The following ANK1 variants were observed in gnomAD, a reference collection of about 807,000 sequenced individuals.
ANK1 encodes ankyrin 1.
ANK1 carries 51 observed loss-of-function variants against 210.4 expected under a neutral mutation model. That is an observed-to-expected ratio of 0.24 (90% CI 0.19 to 0.31). The LOEUF (loss-of-function observed/expected upper bound fraction) is 0.31, where lower values mean the gene tolerates loss of function less well. Among genes scored for constraint, ANK1 ranks in the 10% least tolerant of loss-of-function variants. The probability of loss-of-function intolerance (pLI) is 1.00; values close to 1 mark genes in which losing one functional copy is unlikely to be tolerated. For synonymous variants in ANK1, 967 were observed against 1,025.9 expected, an observed-to-expected ratio of 0.94 and a Z score of 1.10; for missense variants, 2,051 against 2,504.4, an observed-to-expected ratio of 0.82 and a Z score of 3.86.
intron 1 of ANK1, among the ~76,000 whole-genome samples, chr8:41,795,192 G>A (rs1848524357): frequency 6.6e-6 from 1 of 152,174 alleles, no homozygotes; most frequent in Non-Finnish European, 1.5e-5. Flanking sequence ...GAACCATTTT[G>A]GGGTGAGAGG....
intron 10 of ANK1, among the ~76,000 whole-genome samples, chr8:41,719,330 G>A (rs1285538159): frequency 6.6e-6 from 1 of 152,156 alleles, no homozygotes; most frequent in African/African-American, 2.4e-5. Context: ...CTCAGCTCCA[G>A]GCCTGGCTCC....
intron 1 of ANK1, among the ~76,000 whole-genome samples, chr8:41,842,489 T>C (rs1266712229): frequency 1.3e-5 from 2 of 150,674 alleles, no homozygotes; most frequent in African/African-American, 2.4e-5. Flanking sequence ...CGAGACTCTA[T>C]CTCAAAAAAA....
chr8:41,725,342 G>A (rs1043130859), intron 6 of ANK1, among the ~76,000 whole-genome samples: 7 of 152,212 alleles, frequency 4.6e-5, no homozygotes, highest in African/African-American at 9.7e-5. Context: ...ACCGGAGAGC[G>A]TGCCCAGGTG....
chr8:41,862,895 C>T (rs901745124), intron 1 of ANK1, among the ~76,000 whole-genome samples: 2 of 151,852 alleles, frequency 1.3e-5, no homozygotes, highest in Admixed American at 1.3e-4. Flanking sequence ...ACCAATAGTC[C>T]CAGGTATTCA....
chr8:41,669,495 C>T (rs1811564119), intron 38 of ANK1, among the ~76,000 whole-genome samples: 1 of 152,028 alleles, frequency 6.6e-6, no homozygotes, highest in Non-Finnish European at 1.5e-5. Context: ...GGTTCTGGCT[C>T]ACAGGTCTAC....
At chr8:41,861,170 C>G (rs952464931) in intron 1 of ANK1, among the ~76,000 whole-genome samples, 2 of 152,114 alleles carry the variant, frequency 1.3e-5, no homozygotes, top group East Asian at 3.9e-4. Context: ...GAATTAACTC[C>G]GGACAAGGAG....
At chr8:41,780,512 C>A (rs983393677) in intron 1 of ANK1, among the ~76,000 whole-genome samples, 3 of 152,208 alleles carry the variant, frequency 2.0e-5, no homozygotes, top group African/African-American at 7.2e-5. Context: ...GCCCACCCAG[C>A]GGGTGCAGAG....
chr8:41,683,405 C>T (rs529170365), intron 37 of ANK1, among the ~76,000 whole-genome samples: 6 of 152,222 alleles, frequency 3.9e-5, no homozygotes, highest in Admixed American at 2.6e-4. Flanking sequence ...GAGGGCTCAG[C>T]GAGCAGGGTC....
At chr8:41,780,105 G>C (rs1011937166) in intron 1 of ANK1, among the ~76,000 whole-genome samples, 2 of 152,256 alleles carry the variant, frequency 1.3e-5, no homozygotes, top group Admixed American at 6.5e-5. Context: ...GAAGGATGCT[G>C]AAGTCAGTGA....
At chr8:41,878,777 G>A (rs1165349376) in intron 1 of ANK1, among the ~76,000 whole-genome samples, 1 of 152,144 alleles carries the variant, frequency 6.6e-6, no homozygotes, top group Non-Finnish European at 1.5e-5. Context: ...AAAAATAAAA[G>A]AGGGGCCAGG....
rs374505506 is a variant in ANK1, at chr8:41,672,376, C to T, written c.5074G>A (p.Val1692Met). The change falls in exon 38 of 43, where the codon GTG becomes ATG. Residue 1692 changes from valine to methionine, a missense_variant. Physicochemically the swap from Val to Met is conservative, Grantham distance 21 (BLOSUM62 1). This residue lies in a region of ANK1 where 496 missense variants were observed against 533.4 expected (regional missense o/e 0.93). Coordinates refer to ENST00000289734, the MANE Select transcript of ANK1 (RefSeq NM_000037.4). ...RITHSPTVSQVTERSQDRLQD... is the reference protein window; with the variant it reads ...RITHSPTVSQMTERSQDRLQD... Reference sequence around the variant, plus strand: ...TACCTGTCCTGACTCCTCTCCGTCACCTGACTCACGGTGGGGGAATGTGTG... The same window carrying T: ...TACCTGTCCTGACTCCTCTCCGTCATCTGACTCACGGTGGGGGAATGTGTG... The T allele has an allele frequency of 1.9e-6, 3 of 1,614,112 alleles. No individual in the cohort carries two copies. The highest frequency in any genetic ancestry group is 2.5e-6 in the Non-Finnish European group (3 of 1,180,048).
At chr8:41,888,466 G>T (rs1818838269) in intron 1 of ANK1, among the ~76,000 whole-genome samples, 1 of 152,244 alleles carries the variant, frequency 6.6e-6, no homozygotes, top group Non-Finnish European at 1.5e-5. Context: ...GCAAGAGCCA[G>T]CCAGGCTCAT....
rs77766590 is a variant in ANK1, at chr8:41,845,498, G to C, written c.126+50857C>G. Among the ~76,000 whole-genome samples, 142 of 152,188 alleles carry C rather than the reference G, an allele frequency of 9.3e-4. No homozygotes were observed. The East Asian group carries it at 0.026, about 28-fold the overall frequency. On this transcript the variant is annotated intron_variant, in intron 1 of 42. Transcript: ENST00000265709. ...GCTTGCAGTGGTCTCGCGGGGCACA[G>C]TGGGGTCTCCCCTCAAGGAGGCCAA...
intron 12 of ANK1, 147 bp from the exon 13 acceptor site, chr8:41,717,198 T>A: frequency 3.8e-6 from 3 of 793,274 alleles, no homozygotes; most frequent in Non-Finnish European, 6.4e-6. Flanking sequence ...TTTAGCCTGG[T>A]ATGTGTGCAT....
chr8:41,850,277 ATAATGCTT>A (rs1810989972), intron 1 of ANK1, among the ~76,000 whole-genome samples: 2 of 152,178 alleles, frequency 1.3e-5, no homozygotes, highest in Admixed American at 1.3e-4. Flanking sequence ...TTGAAACTAA[ATAATGCTT>A]AAGTGGGGCT....
chr8:41,891,979 A>T (rs1055290419), intron 1 of ANK1, among the ~76,000 whole-genome samples: 1 of 152,280 alleles, frequency 6.6e-6, no homozygotes, highest in Non-Finnish European at 1.5e-5. Context: ...GTTTAGCAAC[A>T]GGACCCAGAT....
intron 2 of ANK1, among the ~76,000 whole-genome samples, chr8:41,752,716 G>A (rs777870): frequency 0.31 from 47,503 of 151,258 alleles, 8,087 homozygotes; most frequent in East Asian, 0.66. Flanking sequence ...ACCCAAGCCT[G>A]CTTGGCTTTG....
At chr8:41,804,253 C>T (rs1482560875) in intron 1 of ANK1, among the ~76,000 whole-genome samples, 1 of 152,134 alleles carries the variant, frequency 6.6e-6, no homozygotes, top group South Asian at 2.1e-4. Context: ...ATAGGGCTGC[C>T]AACCATCCTC....
At chr8:41,780,794 G>A (rs183666882) in intron 1 of ANK1, among the ~76,000 whole-genome samples, 2 of 152,162 alleles carry the variant, frequency 1.3e-5, no homozygotes, top group African/African-American at 4.8e-5. Context: ...ATATGTTCTC[G>A]TGTGTGTGTA....
Sources: allele counts gnomAD v4.1 joint callset (sites outside exome capture counted in the v4.1 genomes callset), GRCh38; gene constraint gnomAD v4.1.1; regional missense constraint gnomAD v4.1.1; transcripts MANE v1.5; gene names NCBI Gene and HGNC (gene_info 2026-07-23, HGNC 2026-07-21).